ZFPM1: variants seen among roughly 807,000 people sequenced by gnomAD.
ZFPM1 encodes zinc finger protein ZFPM1.
ZFPM1 carries 28 observed loss-of-function variants against 46.3 expected under a neutral mutation model. That is an observed-to-expected ratio of 0.60 (90% CI 0.45 to 0.83). The LOEUF (loss-of-function observed/expected upper bound fraction) is 0.83, where lower values mean the gene tolerates loss of function less well. Ranked by LOEUF, ZFPM1 falls within the 40% of genes least tolerant of loss-of-function variation. The probability of loss-of-function intolerance (pLI) is 0.00; values close to 1 mark genes in which losing one functional copy is unlikely to be tolerated. For synonymous variants in ZFPM1, 957 were observed against 675.9 expected, an observed-to-expected ratio of 1.42 and a Z score of -6.45; for missense variants, 1,878 against 1,432.4, an observed-to-expected ratio of 1.31 and a Z score of -5.02.
chr16:88,477,611 C>T (rs1908745745), intron 1 of ZFPM1, among the ~76,000 whole-genome samples: 2 of 152,286 alleles, frequency 1.3e-5, no homozygotes, highest in South Asian at 4.1e-4. Flanking sequence ...CGGAGGATCG[C>T]TTGAGTCTAG....
intron 1 of ZFPM1, among the ~76,000 whole-genome samples, chr16:88,474,857 C>T (rs1213562756): frequency 6.6e-6 from 1 of 152,234 alleles, no homozygotes; most frequent in Non-Finnish European, 1.5e-5. Flanking sequence ...CAGAGCCTCC[C>T]AGCCTCTGTT....
At chr16:88,502,800 A>G (rs1910439929) in intron 3 of ZFPM1, among the ~76,000 whole-genome samples, 1 of 152,176 alleles carries the variant, frequency 6.6e-6, no homozygotes, top group African/African-American at 2.4e-5. Context: ...ATTTTTTTAA[A>G]TTTTTGCTGT....
chr16:88,500,591 G>A (rs572553587), intron 3 of ZFPM1, among the ~76,000 whole-genome samples: 36 of 152,374 alleles, frequency 2.4e-4, no homozygotes, highest in African/African-American at 7.0e-4. Context: ...CACCTTGCTA[G>A]GACTGTTGCT....
At position 88,531,628 on chromosome 16, in the gene ZFPM1, C is replaced by T. The variant is rs548261669; in HGVS notation, c.713-374C>T. 8.5e-5 allele frequency among the ~76,000 whole-genome samples: 13 copies of T among 152,358 alleles called. No homozygotes were observed. In the East Asian group the frequency reaches 1.7e-3, roughly 20 times the overall value. ...CTGTACACACACGTTTCCTCTTCCA[C>T]GGCCTCCCGGGTCCACACGGTCACC... On this transcript the variant is annotated intron_variant, in intron 6 of 9. Transcript: ENST00000319555.
chr16:88,503,263 TG>T (rs1404225784), intron 3 of ZFPM1, among the ~76,000 whole-genome samples: 1 of 137,786 alleles, frequency 7.3e-6, no homozygotes, highest in Non-Finnish European at 1.6e-5. Flanking sequence ...GATCTGTGTC[TG>T]GGGGGCCCAC....
rs1428603498 is a variant in ZFPM1, at chr16:88,533,894, G to A, written c.1936G>A (p.Glu646Lys). 2.7e-5 allele frequency: 28 copies of A among 1,039,486 alleles called. No homozygotes were observed. Among genetic ancestry groups the A allele is most frequent in the Admixed American group, 6.0e-5 (1 of 16,680 alleles). The allele number at this position is 1,039,486 out of a possible 1,614,324, so 64.4% of individuals were successfully genotyped here. Residue 646 changes from glutamate to lysine, a missense_variant, in exon 10 of 10, where the codon GAG (glutamate) becomes AAG (lysine). Glu to Lys is a moderately conservative substitution (Grantham distance 56). Transcript: ENST00000319555. ...GTCCCCGGGCCCCGGAGCGCGCGAG[G>A]AGGGGGCTGGGGGCGCGGCCACGCC... ...RSSPGPGARE[E>K]GAGGAATPED...
intron 3 of ZFPM1, among the ~76,000 whole-genome samples, chr16:88,492,554 G>T (rs934068096): frequency 6.6e-6 from 1 of 152,336 alleles, no homozygotes; most frequent in East Asian, 1.9e-4. Flanking sequence ...GCAGAGCCCA[G>T]AGCCCAGGGC....
At chr16:88,479,430 C>T (rs895047926) in intron 1 of ZFPM1, among the ~76,000 whole-genome samples, 6 of 152,092 alleles carry the variant, frequency 3.9e-5, no homozygotes, top group Non-Finnish European at 7.4e-5. Context: ...TCGGGTCAGC[C>T]TGGGGGACCC....
chr16:88,462,347 C>T (rs1907935565), intron 1 of ZFPM1, among the ~76,000 whole-genome samples: 1 of 152,266 alleles, frequency 6.6e-6, no homozygotes, highest in Admixed American at 6.5e-5. Context: ...CTCCTGTCTG[C>T]TAAGTGCCTT....
intron 4 of ZFPM1, among the ~76,000 whole-genome samples, chr16:88,518,589 G>A (rs1014858535): frequency 6.7e-6 from 1 of 150,206 alleles, no homozygotes; most frequent in African/African-American, 2.5e-5. Flanking sequence ...TGGACGGATG[G>A]TTGGGTAGGT....
chr16:88,458,110 C>G (rs1370317324), intron 1 of ZFPM1, among the ~76,000 whole-genome samples: 1 of 152,176 alleles, frequency 6.6e-6, no homozygotes, highest in East Asian at 1.9e-4. Flanking sequence ...AGTTTCTCGC[C>G]CAAGCAAGTG....
At chr16:88,472,463 C>G (rs914002049) in intron 1 of ZFPM1, among the ~76,000 whole-genome samples, 3 of 150,668 alleles carry the variant, frequency 2.0e-5, no homozygotes, top group Non-Finnish European at 4.4e-5. Flanking sequence ...AAGATATTCT[C>G]CTGCCTCAGC....
At chr16:88,464,760 C>G (rs1349645642) in intron 1 of ZFPM1, among the ~76,000 whole-genome samples, 2 of 152,228 alleles carry the variant, frequency 1.3e-5, no homozygotes, top group Non-Finnish European at 2.9e-5. Flanking sequence ...GGTTTCAGCT[C>G]CTGCGATAAC....
intron 3 of ZFPM1, among the ~76,000 whole-genome samples, chr16:88,489,601 A>T (rs894310457): frequency 2.0e-5 from 3 of 152,088 alleles, no homozygotes; most frequent in Non-Finnish European, 2.9e-5. Flanking sequence ...AGAGGGCCCC[A>T]CCCCACTCCA....
intron 1 of ZFPM1, among the ~76,000 whole-genome samples, chr16:88,465,809 G>A (rs1908107977): frequency 6.6e-6 from 1 of 152,246 alleles, no homozygotes; most frequent in Non-Finnish European, 1.5e-5. Context: ...GCCTCCTTCA[G>A]CTGATCCGAG....
intron 5 of ZFPM1, 75 bp downstream of exon 5, chr16:88,526,991 C>T: frequency 6.7e-7 from 1 of 1,489,956 alleles, no homozygotes; most frequent in Non-Finnish European, 9.0e-7. Flanking sequence ...GGGCTGAGCC[C>T]TTAAAGGGAA....
chr16:88,481,603 A>C (rs979593798), intron 1 of ZFPM1, among the ~76,000 whole-genome samples: 1 of 150,288 alleles, frequency 6.7e-6, no homozygotes, highest in Non-Finnish European at 1.5e-5. Flanking sequence ...TGCTTACGCT[A>C]CTCCACTCCA....
In ZFPM1 at chr16:88,489,013, G is replaced by C; in HGVS notation, c.146-18G>C. On this transcript the variant is annotated intron_variant, in intron 2 of 9. Coordinates refer to ENST00000319555, the MANE Select transcript of ZFPM1 (RefSeq NM_153813.3). ...CCCGGCACTCAGCAGGGATGTGACG[G>C]TGTTTTCCTCTCTGCAGATGTTAAC... The C allele has an allele frequency of 6.2e-7, 1 of 1,609,292 alleles. No individual in the cohort carries two copies. The highest frequency in any genetic ancestry group is 8.5e-7 in the Non-Finnish European group (1 of 1,177,358).
chr16:88,529,235 C>G (rs1055041433), intron 6 of ZFPM1, among the ~76,000 whole-genome samples: 3 of 152,268 alleles, frequency 2.0e-5, no homozygotes, highest in African/African-American at 7.2e-5. Context: ...GCAAGTCTGG[C>G]TCCGGCCAGC....
Sources: allele counts gnomAD v4.1 joint callset (sites outside exome capture counted in the v4.1 genomes callset), GRCh38; gene constraint gnomAD v4.1.1; transcripts MANE v1.5; gene names NCBI Gene and HGNC (gene_info 2026-07-23, HGNC 2026-07-21).